APP: variants seen among roughly 807,000 people sequenced by gnomAD.
APP encodes amyloid beta precursor protein.
A neutral mutation model predicts 101.4 loss-of-function variants in APP; 31 were observed. The ratio of observed to expected loss-of-function variants is 0.31; its 90% CI spans 0.23 to 0.41. The LOEUF is 0.41. Among genes scored for constraint, APP ranks in the 10% least tolerant of loss-of-function variants. The probability of loss-of-function intolerance (pLI) is 1.00; values close to 1 mark genes in which losing one functional copy is unlikely to be tolerated. For synonymous variants in APP, 366 were observed against 364.4 expected, an observed-to-expected ratio of 1.00 and a Z score of -0.05; for missense variants, 839 against 1,003.7, an observed-to-expected ratio of 0.84 and a Z score of 2.22.
chr21:25,954,812 AC>A (rs1404507575), intron 12 of APP, 123 bp from the exon 13 acceptor site: 2 of 794,596 alleles, frequency 2.5e-6, no homozygotes, highest in African/African-American at 3.5e-5. Flanking sequence ...TATTTTTCTT[AC>A]CAAGCACTGC....
At chr21:26,030,146 T>C (rs964621120) in intron 5 of APP, among the ~76,000 whole-genome samples, 2 of 152,186 alleles carry the variant, frequency 1.3e-5, no homozygotes, top group African/African-American at 2.4e-5. Flanking sequence ...CCCTGGGACA[T>C]GATATAAGAC....
chr21:26,141,835 G>A (rs945282055), intron 1 of APP, among the ~76,000 whole-genome samples: 1 of 152,198 alleles, frequency 6.6e-6, no homozygotes, highest in Non-Finnish European at 1.5e-5. Flanking sequence ...ATTACATCAA[G>A]GGTTTCACAA....
chr21:26,135,751 A>T (rs1210076805), intron 1 of APP, among the ~76,000 whole-genome samples: 1 of 152,104 alleles, frequency 6.6e-6, no homozygotes, highest in Non-Finnish European at 1.5e-5. Context: ...TTATCTCCCC[A>T]ATGTCACCAC....
At position 26,086,065 on chromosome 21, in the gene APP, G is replaced by A. The variant is rs2061695858; in HGVS notation, c.355+3878C>T. ...CCTTTGCTGGTCAGAGACAAGTACA[G>A]AAAAGTGCCAATTTCAACAGTGGAT... On this transcript the variant is annotated intron_variant, in intron 3 of 17. Transcript: ENST00000346798. 1.3e-5 allele frequency among the ~76,000 whole-genome samples: 2 copies of A among 152,178 alleles called. 1 individual carries two copies. Among genetic ancestry groups the A allele is most frequent in the South Asian group, 4.1e-4 (2 of 4,828 alleles).
chr21:26,019,338 A>G (rs1182378508), intron 6 of APP, among the ~76,000 whole-genome samples: 2 of 152,096 alleles, frequency 1.3e-5, no homozygotes, highest in African/African-American at 4.8e-5. Flanking sequence ...ATGGCACCAC[A>G]TTTGTTTTGC....
At chr21:26,108,431 C>A (rs986583292) in intron 2 of APP, among the ~76,000 whole-genome samples, 2 of 152,178 alleles carry the variant, frequency 1.3e-5, no homozygotes, top group East Asian at 3.8e-4. Context: ...AAGTGCCAAA[C>A]AACCACATAG....
intron 13 of APP, among the ~76,000 whole-genome samples, chr21:25,912,434 T>C (rs1010957880): frequency 6.6e-6 from 1 of 152,188 alleles, no homozygotes. Context: ...CTTGCAAGGA[T>C]AAGAAAAGCA....
intron 9 of APP, among the ~76,000 whole-genome samples, chr21:25,981,055 A>G (rs1450542501): frequency 6.6e-6 from 1 of 152,154 alleles, no homozygotes; most frequent in Non-Finnish European, 1.5e-5. Context: ...GAGCAGGTGA[A>G]TAGTGGCCCA....
chr21:26,164,452 G>C (rs945675416), intron 1 of APP, among the ~76,000 whole-genome samples: 2 of 152,162 alleles, frequency 1.3e-5, no homozygotes, highest in African/African-American at 4.8e-5. Context: ...CGTTTTGCTA[G>C]CAAAGATTCT....
chr21:26,119,726 C>T (rs943744809), intron 1 of APP, among the ~76,000 whole-genome samples: 2 of 152,022 alleles, frequency 1.3e-5, no homozygotes, highest in African/African-American at 4.8e-5. Flanking sequence ...AGTTTAAGAG[C>T]TCAATTTGCA....
chr21:26,167,706 T>C (rs1320748282), intron 1 of APP, among the ~76,000 whole-genome samples: 1 of 152,226 alleles, frequency 6.6e-6, no homozygotes, highest in Non-Finnish European at 1.5e-5. Context: ...GAATCAGCCA[T>C]TCCTCATTTA....
intron 3 of APP, among the ~76,000 whole-genome samples, chr21:26,075,813 T>C (rs952890222): frequency 6.6e-6 from 1 of 152,224 alleles, no homozygotes; most frequent in Non-Finnish European, 1.5e-5. Context: ...AGTTCTATTC[T>C]AATTTTCTAT....
chr21:25,895,921 C>G (rs186673145), intron 16 of APP, among the ~76,000 whole-genome samples: 1 of 152,264 alleles, frequency 6.6e-6, no homozygotes, highest in African/African-American at 2.4e-5. Flanking sequence ...ATTATCTTAA[C>G]TAGTCCAGTA....
chr21:26,081,416 C>G (rs2061596627), intron 3 of APP, among the ~76,000 whole-genome samples: 1 of 133,564 alleles, frequency 7.5e-6, no homozygotes, highest in Non-Finnish European at 1.6e-5. Context: ...GTGGGGGTCA[C>G]AGGGTGCTCA....
chr21:25,883,065 G>A (rs896114269), intron 17 of APP, among the ~76,000 whole-genome samples: 3 of 152,150 alleles, frequency 2.0e-5, no homozygotes, highest in Admixed American at 6.5e-5. Flanking sequence ...AGCTAGATAT[G>A]TCATGACTAG....
At chr21:25,926,485 G>A (rs58015140) in intron 13 of APP, among the ~76,000 whole-genome samples, 17 of 152,274 alleles carry the variant, frequency 1.1e-4, no homozygotes, top group African/African-American at 3.8e-4. Context: ...TCATAACCAT[G>A]AGAACTGCAC....
At chr21:26,116,017 CTA>C (rs1362097423) in intron 1 of APP, among the ~76,000 whole-genome samples, 2 of 152,138 alleles carry the variant, frequency 1.3e-5, no homozygotes, top group African/African-American at 2.4e-5. Flanking sequence ...CGTTTGTGGT[CTA>C]TGCTTTTCTA....
At chr21:26,145,427 T>G (rs2063133732) in intron 1 of APP, among the ~76,000 whole-genome samples, 1 of 152,170 alleles carries the variant, frequency 6.6e-6, no homozygotes, top group African/African-American at 2.4e-5. Flanking sequence ...CCTCCCATGT[T>G]TAGTTCACAA....
At chr21:25,912,808 A>G (rs1211496419) in intron 13 of APP, among the ~76,000 whole-genome samples, 1 of 152,218 alleles carries the variant, frequency 6.6e-6, no homozygotes, top group East Asian at 1.9e-4. Flanking sequence ...TTACTGGAAA[A>G]AGAGAGCTTA....
Sources: gnomAD v4.1 joint callset for allele counts (sites outside exome capture counted in the v4.1 genomes callset) on GRCh38, gnomAD v4.1.1 for gene constraint, MANE v1.5 for transcripts, NCBI Gene and HGNC (gene_info 2026-07-23, HGNC 2026-07-21) for gene names.